BAZ1A: variants seen among roughly 807,000 people sequenced by gnomAD.
BAZ1A encodes the protein bromodomain adjacent to zinc finger domain 1A.
Under a neutral mutation model 185.2 loss-of-function variants are expected in BAZ1A, and 50 were observed. The ratio of observed to expected loss-of-function variants is 0.27; its 90% CI spans 0.22 to 0.34. The LOEUF (loss-of-function observed/expected upper bound fraction) is 0.34, where lower values mean the gene tolerates loss of function less well. Among genes scored for constraint, BAZ1A ranks in the 10% least tolerant of loss-of-function variants. The pLI, the probability that BAZ1A is intolerant of heterozygous loss-of-function variation, is 1.00. For missense variants in BAZ1A, 1,356 were observed against 1,839.9 expected (o/e 0.74, Z 4.81); for synonymous variants, 571 against 615.6 (o/e 0.93, Z 1.07).
chr14:34,874,842 C>T lies in BAZ1A; in HGVS notation c.-58-180G>A. 2.3e-6 allele frequency: 1 copy of T among 429,500 alleles called. No homozygotes were observed. The highest frequency in any genetic ancestry group is 4.7e-5 in the Admixed American group (1 of 21,452). The allele number at this position is 429,500 out of a possible 1,614,324, so 26.6% of individuals were successfully genotyped here. ...GGTGTCGAGCGAGCGGAGCCGCCGC[C>T]GCCCCTGCCCCCCGAGCGCGCCCTA... On this transcript the variant is annotated intron_variant, in intron 1 of 26. Coordinates refer to ENST00000360310, the MANE Select transcript of BAZ1A (RefSeq NM_013448.3). The surrounding 1 kb of genome is among the most constrained non-coding windows in gnomAD (Gnocchi z 4.7).
chr14:34,753,533 G>A lies in BAZ1A; in HGVS notation c.4646C>T (p.Pro1549Leu), dbSNP rs541683224. 20 of 1,613,954 alleles carry A rather than the reference G, an allele frequency of 1.2e-5. No homozygotes were observed. Among genetic ancestry groups the A allele is most frequent in the Admixed American group, 8.3e-5 (5 of 59,994 alleles). ...PSNVDQVSTPPAAKKSRI is the reference protein window; with the variant it reads ...PSNVDQVSTPLAAKKSRI ...TCAGATTCGTGACTTTTTCGCAGCCGGTGGTGTGCTAACTTGGTCCACATT... is the reference window on the plus strand; with the variant it reads ...TCAGATTCGTGACTTTTTCGCAGCCAGTGGTGTGCTAACTTGGTCCACATT... Residue 1549 changes from proline to leucine, a missense_variant, in exon 27 of 27, where the codon CCG becomes CTG. Pro to Leu is a moderately conservative substitution (Grantham distance 98). This residue lies in a region of BAZ1A where 25 missense variants were observed against 20.1 expected (regional missense o/e 1.24). Transcript: ENST00000360310.
intron 24 of BAZ1A, among the ~76,000 whole-genome samples, chr14:34,760,306 A>C (rs1237532869): frequency 2.0e-5 from 3 of 152,194 alleles, no homozygotes; most frequent in Non-Finnish European, 4.4e-5. Context: ...AGATAAGTGG[A>C]TAGGAAAAGC....
At chr14:34,832,551 G>A (rs1416704386) in intron 3 of BAZ1A, among the ~76,000 whole-genome samples, 1 of 151,002 alleles carries the variant, frequency 6.6e-6, no homozygotes, top group Non-Finnish European at 1.5e-5. Flanking sequence ...GCACATGAAA[G>A]ATGCTCAGCA....
intron 12 of BAZ1A, 90 bp downstream of exon 12, chr14:34,792,685 A>G: frequency 7.0e-7 from 1 of 1,425,368 alleles, no homozygotes; most frequent in Non-Finnish European, 9.7e-7. Context: ...TTATAAGCAT[A>G]AAAGCCAATT....
rs564937226 is a variant in BAZ1A at position 34,776,395 on chromosome 14, T to C, written c.2357A>G (p.Glu786Gly). 15 of 1,614,110 alleles carry C rather than the reference T, an allele frequency of 9.3e-6. No individual in the cohort carries two copies. The South Asian group carries it at 1.5e-4, about 17-fold the overall frequency. ...TTGGATTTTTTCTAAGAGCTCTTTC[T>C]CTTTTCGTTGGTGTTCCTGTTTTAA... ...EALKQEHQRK[E>G]KELLEKIQSA... The change falls in exon 18 of 27, where the codon GAG becomes GGG. Residue 786 changes from glutamate (E) to glycine (G), a missense_variant. Physicochemically the swap from Glu to Gly is moderately conservative, Grantham distance 98. Around this residue, in one of 7 missense-constraint regions of BAZ1A, gnomAD observed 434 missense variants for 561.7 expected, o/e 0.77. Coordinates refer to ENST00000360310, the MANE Select transcript of BAZ1A (RefSeq NM_013448.3).
At position 34,874,334 on chromosome 14, in the gene BAZ1A, TGGAGGCCA is replaced by T. The variant is rs1486058570; in HGVS notation, c.113+150_113+157del. On this transcript the variant is annotated intron_variant, in intron 2 of 26. Transcript: ENST00000360310. This position sits in a 1 kb window ranked among gnomAD's most constrained non-coding sequence, Gnocchi z 4.7. ...CAGTTGGCCCCGCGCGTTCTCCAGGTGGAGGCCAGGAGGCAGAGAACCGCGGGCCCGGG... is the reference window on the plus strand; with the variant it reads ...CAGTTGGCCCCGCGCGTTCTCCAGGTGGAGGCAGAGAACCGCGGGCCCGGG... 3.1e-6 allele frequency: 2 copies of T among 651,048 alleles called. No individual in the cohort carries two copies. Among genetic ancestry groups the T allele is most frequent in the Non-Finnish European group, 5.2e-6 (2 of 386,978 alleles). The allele number at this position is 651,048 out of a possible 1,614,324, so 40.3% of individuals were successfully genotyped here.
In BAZ1A at chr14:34,758,760, C is replaced by T. The variant is rs1208398158; in HGVS notation, c.4330G>A (p.Glu1444Lys). 1 of 1,614,178 alleles carries T rather than the reference C, an allele frequency of 6.2e-7. No individual in the cohort carries two copies. Among genetic ancestry groups the T allele is most frequent in the South Asian group, 1.1e-5 (1 of 91,074 alleles). ...CAGCTGTCATCATGTCGTACCAATT[C>T]TACAACAAGTTGTTCAAAAGCAGAC... is the stretch of plus-strand genomic sequence containing the variant. ...ELSAFEQLVV[E>K]LVRHDDSWPF... Residue 1444 changes from glutamate (E) to lysine (K), a missense_variant, in exon 25 of 27, where the codon GAA becomes AAA. This residue lies in a region of BAZ1A where 309 missense variants were observed against 355.3 expected (regional missense o/e 0.87). Coordinates refer to ENST00000360310, the MANE Select transcript of BAZ1A (RefSeq NM_013448.3).
At chr14:34,823,957 C>T (rs1393513448) in intron 4 of BAZ1A, among the ~76,000 whole-genome samples, 1 of 152,092 alleles carries the variant, frequency 6.6e-6, no homozygotes, top group Non-Finnish European at 1.5e-5. Flanking sequence ...ATATGAACTA[C>T]TGTCAGACAT....
intron 25 of BAZ1A, 55 bp downstream of exon 25, chr14:34,758,649 C>T: frequency 4.5e-6 from 7 of 1,558,258 alleles, no homozygotes; most frequent in South Asian, 3.5e-5. Context: ...AAAGTTATCA[C>T]GTGGACTAAA....
chr14:34,831,031 G>T (rs144957750), intron 3 of BAZ1A, among the ~76,000 whole-genome samples: 43 of 152,172 alleles, frequency 2.8e-4, no homozygotes, highest in Non-Finnish European at 5.0e-4. Context: ...AATATTCTAA[G>T]CACATAAATA....
At chr14:34,845,859 C>CAAA (rs3062591) in intron 3 of BAZ1A, among the ~76,000 whole-genome samples, 15 of 115,216 alleles carry the variant, frequency 1.3e-4, no homozygotes, top group African/African-American at 4.0e-4. Context: ...GACTCTGTCT[C>CAAA]AAAAAAAAAA....
chr14:34,800,393 G>A lies in BAZ1A; in HGVS notation c.962-3C>T. ...TTTTAATTTAGCCTTTTCAAAAGCT[G>A]TGAAGAAAAATCAAACTTAGAACTA... On this transcript the variant is annotated splice_region_variant and splice_polypyrimidine_tract_variant and intron_variant, in intron 8 of 26. Coordinates refer to ENST00000360310, the MANE Select transcript of BAZ1A (RefSeq NM_013448.3). The A allele has an allele frequency of 1.3e-6, 2 of 1,537,792 alleles. No homozygotes were observed. Among genetic ancestry groups the A allele is most frequent in the African/African-American group, 1.4e-5 (1 of 70,208 alleles).
chr14:34,756,466 A>ATTTTTTT (rs1158606061), intron 25 of BAZ1A, among the ~76,000 whole-genome samples: 1 of 79,014 alleles, frequency 1.3e-5, no homozygotes, highest in Non-Finnish European at 2.3e-5. Flanking sequence ...CAGAATACCT[A>ATTTTTTT]TTTTTTTTTT....
In BAZ1A at chr14:34,826,093, A is replaced by C. The variant is rs1336970795; in HGVS notation, c.456T>G (p.His152Gln). Reference sequence around the variant, plus strand: ...TAGTTTCTCCATCCACACTGTTAACATGTCCATTAGCAAAACCATTTTGAT... The same window carrying C: ...TAGTTTCTCCATCCACACTGTTAACCTGTCCATTAGCAAAACCATTTTGAT... ...PSHQNGFANG[H>Q]VNSVDGETII... The change falls in exon 4 of 27, where the codon CAT becomes CAG. Residue 152 changes from histidine (H) to glutamine (Q), a missense_variant. Physicochemically the swap from His to Gln is conservative, Grantham distance 24. Transcript: ENST00000360310. The C allele has an allele frequency of 1.3e-5, 21 of 1,612,650 alleles. No individual in the cohort carries two copies. The highest frequency in any genetic ancestry group is 1.7e-5 in the Non-Finnish European group (20 of 1,179,200).
rs371846815 is a variant in BAZ1A, at chr14:34,758,825, C to T, written c.4265G>A (p.Gly1422Asp). The T allele has an allele frequency of 3.1e-6, 5 of 1,614,066 alleles. No individual in the cohort carries two copies. Among genetic ancestry groups the T allele is most frequent in the Non-Finnish European group, 4.2e-6 (5 of 1,180,004 alleles). Residue 1422 changes from glycine (G) to aspartate (D), a missense_variant, in exon 25 of 27, where the codon GGT becomes GAT. Gly to Asp is a moderately conservative substitution (Grantham distance 94). Around this residue, in one of 7 missense-constraint regions of BAZ1A, gnomAD observed 309 missense variants for 355.3 expected, o/e 0.87. Transcript: ENST00000360310. ...TCCCTGTCGGCCAGAACTCCTTCGACCCAGTGTCACAGGCGATGGCTCTGA... is the reference window on the plus strand; with the variant it reads ...TCCCTGTCGGCCAGAACTCCTTCGATCCAGTGTCACAGGCGATGGCTCTGA... ...QSPEPSPVTLGRRSSGRQGGV... is the reference protein window; with the variant it reads ...QSPEPSPVTLDRRSSGRQGGV...
intron 3 of BAZ1A, among the ~76,000 whole-genome samples, chr14:34,839,035 C>T (rs924434539): frequency 6.6e-6 from 1 of 152,092 alleles, no homozygotes; most frequent in African/African-American, 2.4e-5. Context: ...GATTGCCAAA[C>T]AGATCAATGG....
At chr14:34,862,782 TATAA>T (rs1192225377) in intron 2 of BAZ1A, among the ~76,000 whole-genome samples, 1 of 98,764 alleles carries the variant, frequency 1.0e-5, no homozygotes, top group East Asian at 2.2e-4. Context: ...TCATTTGTGT[TATAA>T]AAAAAAAAAA....
At chr14:34,803,729 T>C (rs1428297478) in intron 6 of BAZ1A, among the ~76,000 whole-genome samples, 3 of 152,324 alleles carry the variant, frequency 2.0e-5, no homozygotes, top group Admixed American at 2.0e-4. Context: ...CTTAACCATT[T>C]GCCAACTGCT....
chr14:34,757,785 CCTGG>C (rs1370709163), intron 25 of BAZ1A, among the ~76,000 whole-genome samples: 2 of 149,948 alleles, frequency 1.3e-5, no homozygotes, highest in Non-Finnish European at 3.0e-5. Flanking sequence ...TGTTGCCCAG[CCTGG>C]AGTGTGGACT....
Sources: gnomAD v4.1 joint callset for allele counts (sites outside exome capture counted in the v4.1 genomes callset) on GRCh38, gnomAD v4.1.1 for gene constraint, gnomAD v4.1.1 regional missense constraint, Gnocchi (gnomAD v3.1) non-coding constraint, MANE v1.5 for transcripts, NCBI Gene and HGNC (gene_info 2026-07-23, HGNC 2026-07-21) for gene names.